Variants in PTPRC observed in about 807,000 individuals in gnomAD.
PTPRC encodes the protein protein tyrosine phosphatase receptor type C.
In PTPRC, 44 loss-of-function variants were observed where a neutral mutation model predicts 155.9. The ratio of observed to expected loss-of-function variants is 0.28; its 90% CI spans 0.22 to 0.36. The LOEUF (loss-of-function observed/expected upper bound fraction) is 0.36, where lower values mean the gene tolerates loss of function less well. PTPRC is among the 10% of genes least tolerant of loss of function. The probability of loss-of-function intolerance (pLI) is 1.00; values close to 1 mark genes in which losing one functional copy is unlikely to be tolerated. For missense variants in PTPRC, 1,401 were observed against 1,564.6 expected (o/e 0.90, Z 1.76); for synonymous variants, 525 against 533.1 (o/e 0.98, Z 0.21).
chr1:198,746,181 C>T (rs929034611), intron 26 of PTPRC, among the ~76,000 whole-genome samples: 1 of 151,784 alleles, frequency 6.6e-6, no homozygotes, highest in South Asian at 2.1e-4. Context: ...AAGCCTAAAA[C>T]TAAATGAGGT....
At chr1:198,706,646 G>A in intron 8 of PTPRC, 88 bp from the exon 9 acceptor site, 1 of 1,391,184 alleles carries the variant, frequency 7.2e-7, no homozygotes, top group Non-Finnish European at 1.0e-6. Flanking sequence ...GGGGATATTT[G>A]GTTAGTTGAT....
rs760582107 is a variant in PTPRC at position 198,750,479 on chromosome 1, T to C, written c.3073-13T>C. On this transcript the variant is annotated splice_polypyrimidine_tract_variant and intron_variant, in intron 28 of 32. Coordinates refer to ENST00000442510, the MANE Select transcript of PTPRC (RefSeq NM_002838.5). ...TGTAGTAACGAAGTCCCACCCTTTTTTTGTCTAAAAAGAGCTACTGGAAAC... is the reference window on the plus strand; with the variant it reads ...TGTAGTAACGAAGTCCCACCCTTTTCTTGTCTAAAAAGAGCTACTGGAAAC... 22 of 1,610,866 alleles carry C rather than the reference T, an allele frequency of 1.4e-5. No homozygotes were observed. In the Admixed American group the frequency reaches 2.8e-4, roughly 21 times the overall value.
chr1:198,658,060 C>T (rs1191866970), intron 2 of PTPRC, among the ~76,000 whole-genome samples: 2 of 152,100 alleles, frequency 1.3e-5, no homozygotes, highest in Non-Finnish European at 2.9e-5. Context: ...TCCTACATGC[C>T]CACAGGGACA....
intron 29 of PTPRC, among the ~76,000 whole-genome samples, chr1:198,751,624 G>C (rs745627673): frequency 6.6e-6 from 1 of 152,050 alleles, no homozygotes; most frequent in South Asian, 2.1e-4. Context: ...CTGGGAAACA[G>C]GATGGAAGTA....
At chr1:198,709,624 A>G (rs954746894) in intron 10 of PTPRC, 63 bp from the exon 11 acceptor site, 1 of 1,322,740 alleles carries the variant, frequency 7.6e-7, no homozygotes. Flanking sequence ...GTGAAATTAG[A>G]AAATAAATGT....
chr1:198,738,320 T>G (rs189798929), intron 23 of PTPRC, among the ~76,000 whole-genome samples: 26 of 151,942 alleles, frequency 1.7e-4, no homozygotes, highest in Non-Finnish European at 3.1e-4. Context: ...TTGAGGTATA[T>G]TCCTTCGTTA....
intron 2 of PTPRC, among the ~76,000 whole-genome samples, chr1:198,670,358 G>T (rs962750728): frequency 1.3e-5 from 2 of 152,082 alleles, no homozygotes; most frequent in Admixed American, 6.6e-5. Context: ...TATGAAATGT[G>T]ATTAGTTCTG....
intron 5 of PTPRC, among the ~76,000 whole-genome samples, chr1:198,700,932 G>A (rs1666428437): frequency 6.6e-6 from 1 of 152,174 alleles, no homozygotes; most frequent in South Asian, 2.1e-4. Flanking sequence ...AACAGCTTGG[G>A]AGCAGGGTCT....
chr1:198,735,041 G>A, intron 22 of PTPRC, 86 bp from the exon 23 acceptor site: 2 of 1,217,610 alleles, frequency 1.6e-6, no homozygotes, highest in Non-Finnish European at 2.3e-6. Context: ...ATGAGTATAG[G>A]TTTTGTTTTC....
At chr1:198,726,926 A>G (rs1336094738) in intron 15 of PTPRC, among the ~76,000 whole-genome samples, 2 of 146,934 alleles carry the variant, frequency 1.4e-5, no homozygotes, top group African/African-American at 5.1e-5. Context: ...ACAGTGGTGC[A>G]ATCTTGGCTC....
chr1:198,741,891 G>T lies in PTPRC; in HGVS notation c.2426G>T (p.Arg809Ile), dbSNP rs1428289344. The change falls in exon 24 of 33, where the codon AGA (arginine) becomes ATA (isoleucine). Residue 809 changes from arginine (R) to isoleucine (I), a missense_variant. Arg to Ile is a moderately conservative substitution (Grantham distance 97). This residue lies in a region of PTPRC where 134 missense variants were observed against 204.7 expected (regional missense o/e 0.65). Transcript: ENST00000442510. ...IVNKKEKATG[R>I]EVTHIQFTSW... ...TAGAAAAAAGAAAAAGCAACTGGAAGAGAGGTGACTCACATTCAGTTCACC... is the reference window on the plus strand; with the variant it reads ...TAGAAAAAAGAAAAAGCAACTGGAATAGAGGTGACTCACATTCAGTTCACC... 1 of 1,611,946 alleles carries T rather than the reference G, an allele frequency of 6.2e-7. No individual in the cohort carries two copies.
At chr1:198,718,658 T>C (rs1338961248) in intron 14 of PTPRC, among the ~76,000 whole-genome samples, 1 of 152,146 alleles carries the variant, frequency 6.6e-6, no homozygotes, top group Non-Finnish European at 1.5e-5. Context: ...ATGTGGAATT[T>C]TTCAATTGCA....
rs1005832741 is a variant in PTPRC at position 198,676,152 on chromosome 1, A to G, written c.74-16195A>G. Reference sequence around the variant, plus strand: ...AAGCCAGTTTTATTTAATTCAATACATGGAGTATTAATGCGCTGTATGAAT... The same window carrying G: ...AAGCCAGTTTTATTTAATTCAATACGTGGAGTATTAATGCGCTGTATGAAT... On this transcript the variant is annotated intron_variant, in intron 2 of 32. Transcript: ENST00000442510. 4.6e-5 allele frequency among the ~76,000 whole-genome samples: 7 copies of G among 152,348 alleles called. No homozygotes were observed. In the South Asian group the frequency reaches 1.2e-3, roughly 27 times the overall value.
intron 2 of PTPRC, among the ~76,000 whole-genome samples, chr1:198,677,805 T>C (rs922932258): frequency 5.9e-5 from 9 of 152,230 alleles, no homozygotes; most frequent in Non-Finnish European, 1.2e-4. Context: ...ATTTTATGAT[T>C]ATGGCTCTAA....
At chr1:198,642,916 CTTTCTTTCTTTCTTT>C (rs1557960209) in intron 2 of PTPRC, among the ~76,000 whole-genome samples, 1 of 142,572 alleles carries the variant, frequency 7.0e-6, no homozygotes. Flanking sequence ...TCCTTTCTTT[CTTTCTTTCTTTCTTT>C]CTTTCTTTCT....
At chr1:198,735,667 T>TC (rs1654603997) in intron 23 of PTPRC, among the ~76,000 whole-genome samples, 1 of 151,646 alleles carries the variant, frequency 6.6e-6, no homozygotes, top group Admixed American at 6.6e-5. Flanking sequence ...AGTATAAAGT[T>TC]CTAACTATGC....
At chr1:198,750,102 T>A (rs1655311208) in intron 28 of PTPRC, among the ~76,000 whole-genome samples, 1 of 151,926 alleles carries the variant, frequency 6.6e-6, no homozygotes, top group African/African-American at 2.4e-5. Flanking sequence ...AATATTAGTT[T>A]AATTAGGAAA....
In PTPRC at chr1:198,744,036, T is replaced by C; in HGVS notation, c.2698-18T>C. 1 of 1,582,232 alleles carries C rather than the reference T, an allele frequency of 6.3e-7. No homozygotes were observed. Among genetic ancestry groups the C allele is most frequent in the Non-Finnish European group, 8.7e-7 (1 of 1,152,068 alleles). On this transcript the variant is annotated intron_variant, in intron 25 of 32. Coordinates refer to ENST00000442510, the MANE Select transcript of PTPRC (RefSeq NM_002838.5). ...TAGATTATCAGTTAACTATCTGTAT[T>C]TGTTCTTGAAATTGTAGGCCCAGTA...
At chr1:198,641,000 A>G (rs2102167731) in intron 2 of PTPRC, among the ~76,000 whole-genome samples, 1 of 152,154 alleles carries the variant, frequency 6.6e-6, no homozygotes, top group African/African-American at 2.4e-5. Context: ...TTGAAATAAT[A>G]TGATGGGGTC....
Sources: allele counts gnomAD v4.1 joint callset (sites outside exome capture counted in the v4.1 genomes callset), GRCh38; gene constraint gnomAD v4.1.1; regional missense constraint gnomAD v4.1.1; transcripts MANE v1.5; gene names NCBI Gene and HGNC (gene_info 2026-07-23, HGNC 2026-07-21).